The following GSTCD variants were observed in gnomAD, a reference collection of about 807,000 sequenced individuals.
GSTCD encodes the protein glutathione S-transferase C-terminal domain-containing protein.
A neutral mutation model predicts 68.3 loss-of-function variants in GSTCD; 44 were observed. The ratio of observed to expected loss-of-function variants is 0.64; its 90% CI spans 0.51 to 0.83. The LOEUF is 0.83. Ranked by LOEUF, GSTCD falls within the 40% of genes least tolerant of loss-of-function variation. GSTCD has a pLI of 0.00. For synonymous variants in GSTCD, 273 were observed against 255.2 expected, an observed-to-expected ratio of 1.07 and a Z score of -0.67; for missense variants, 739 against 735.9, an observed-to-expected ratio of 1.00 and a Z score of -0.05.
At chr4:105,816,997 CAT>C (rs1723024436) in intron 5 of GSTCD, among the ~76,000 whole-genome samples, 1 of 151,906 alleles carries the variant, frequency 6.6e-6, no homozygotes, top group Non-Finnish European at 1.5e-5. Context: ...TGTAAAGCAT[CAT>C]ATAAGCAGAA....
chr4:105,740,143 G>A, intron 5 of GSTCD, among the ~76,000 whole-genome samples: 1 of 152,024 alleles, frequency 6.6e-6, no homozygotes, highest in East Asian at 1.9e-4. Context: ...GCATTGTGCA[G>A]TAGCCACGTA....
intron 5 of GSTCD, among the ~76,000 whole-genome samples, chr4:105,776,555 G>C (rs978558212): frequency 6.6e-6 from 1 of 152,106 alleles, no homozygotes; most frequent in African/African-American, 2.4e-5. Context: ...CTTTCCTCAC[G>C]GCACAGTTCC....
intron 5 of GSTCD, among the ~76,000 whole-genome samples, chr4:105,770,054 C>T (rs1017626347): frequency 6.6e-6 from 1 of 152,166 alleles, no homozygotes; most frequent in Admixed American, 6.5e-5. Context: ...CCACCACACC[C>T]GGCCCAGATT....
chr4:105,805,926 A>G (rs1307298949), intron 5 of GSTCD, among the ~76,000 whole-genome samples: 1 of 152,076 alleles, frequency 6.6e-6, no homozygotes, highest in Non-Finnish European at 1.5e-5. Flanking sequence ...TAGAATGTCA[A>G]TCAGCATTGA....
chr4:105,818,195 G>C (rs903895124), intron 5 of GSTCD, among the ~76,000 whole-genome samples: 7 of 151,658 alleles, frequency 4.6e-5, no homozygotes, highest in Admixed American at 1.3e-4. Flanking sequence ...CATTTCACTG[G>C]TTAACAATAA....
chr4:105,793,392 G>A (rs372478506), intron 5 of GSTCD, among the ~76,000 whole-genome samples: 11 of 150,090 alleles, frequency 7.3e-5, no homozygotes, highest in African/African-American at 2.7e-4. Context: ...TTTTTGGGGT[G>A]TGATATCATG....
intron 5 of GSTCD, among the ~76,000 whole-genome samples, chr4:105,752,442 G>A (rs544529237): frequency 4.0e-4 from 61 of 152,136 alleles, no homozygotes; most frequent in Non-Finnish European, 6.9e-4. Flanking sequence ...TATCAAGGGT[G>A]TATTATATAC....
intron 3 of GSTCD, among the ~76,000 whole-genome samples, chr4:105,725,202 G>A (rs189968557): frequency 2.5e-3 from 385 of 152,122 alleles, no homozygotes; most frequent in Non-Finnish European, 3.9e-3. Context: ...ATTGATGGTT[G>A]TTTTCCATTG....
At chr4:105,791,082 A>T (rs2544430) in intron 5 of GSTCD, among the ~76,000 whole-genome samples, 139,038 of 151,972 alleles carry the variant, frequency 0.91, 63,656 homozygotes, top group East Asian at 0.96. Context: ...CTGATATAAT[A>T]GAGAAGTCTA....
intron 5 of GSTCD, among the ~76,000 whole-genome samples, chr4:105,805,198 G>T (rs1212718016): frequency 6.6e-6 from 1 of 152,026 alleles, no homozygotes; most frequent in Admixed American, 6.6e-5. Context: ...TTTCTGAAGG[G>T]TTAAGATCAA....
chr4:105,729,054 A>C (rs1002639357), intron 4 of GSTCD, among the ~76,000 whole-genome samples: 2 of 151,908 alleles, frequency 1.3e-5, no homozygotes, highest in African/African-American at 4.8e-5. Context: ...TTTTTTTATT[A>C]TTTCTATGTG....
At chr4:105,780,409 T>C (rs2149249032) in intron 5 of GSTCD, among the ~76,000 whole-genome samples, 1 of 152,352 alleles carries the variant, frequency 6.6e-6, no homozygotes, top group Non-Finnish European at 1.5e-5. Context: ...TATGTGTTAC[T>C]GTATCTGGCT....
chr4:105,818,236 T>G (rs1008439648), intron 5 of GSTCD, among the ~76,000 whole-genome samples: 1 of 151,820 alleles, frequency 6.6e-6, no homozygotes, highest in Admixed American at 6.6e-5. Context: ...ATTTGTTATT[T>G]TGGGTAGTAA....
intron 5 of GSTCD, among the ~76,000 whole-genome samples, chr4:105,785,685 A>G (rs890970337): frequency 1.6e-4 from 24 of 152,096 alleles, no homozygotes; most frequent in African/African-American, 5.6e-4. Context: ...ATCATACTTA[A>G]TTGTAAAGGC....
At chr4:105,820,387 G>C (rs1053580819) in intron 5 of GSTCD, among the ~76,000 whole-genome samples, 2 of 151,670 alleles carry the variant, frequency 1.3e-5, no homozygotes, top group African/African-American at 4.8e-5. Flanking sequence ...TTCTTTTTCC[G>C]TGACACTAGA....
intron 5 of GSTCD, among the ~76,000 whole-genome samples, chr4:105,798,616 T>C (rs1442833138): frequency 1.3e-5 from 2 of 149,944 alleles, no homozygotes; most frequent in East Asian, 4.0e-4. Flanking sequence ...CCATCAGAGC[T>C]CTTGAGTGAC....
intron 1 of GSTCD, among the ~76,000 whole-genome samples, chr4:105,714,857 T>C (rs989088117): frequency 1.3e-5 from 2 of 152,190 alleles, no homozygotes; most frequent in Non-Finnish European, 2.9e-5. Context: ...GAAGAGTTTA[T>C]AGAATATGTC....
Position 105,709,452 on chromosome 4 carries a change from T to G in GSTCD, c.-22+436T>G, listed in dbSNP as rs574779269. ...TTCCTGATTGCAGAAAGCAGTTCTATGTGAATACTACTTAACATTTACTCC... is the reference window on the plus strand; with the variant it reads ...TTCCTGATTGCAGAAAGCAGTTCTAGGTGAATACTACTTAACATTTACTCC... On this transcript the variant is annotated intron_variant, in intron 1 of 11. Coordinates refer to ENST00000515279, the MANE Select transcript of GSTCD (RefSeq NM_001370181.1). Among the ~76,000 whole-genome samples, 3 of 152,348 alleles carry G rather than the reference T, an allele frequency of 2.0e-5. No individual in the cohort carries two copies. The East Asian group carries it at 5.8e-4, about 29-fold the overall frequency.
chr4:105,813,413 C>T (rs959125697), intron 5 of GSTCD, among the ~76,000 whole-genome samples: 5 of 152,134 alleles, frequency 3.3e-5, no homozygotes, highest in Non-Finnish European at 5.9e-5. Flanking sequence ...TTATTACAAA[C>T]TTTGTTTTGA....
Sources: allele counts gnomAD v4.1 joint callset (sites outside exome capture counted in the v4.1 genomes callset), GRCh38; gene constraint gnomAD v4.1.1; transcripts MANE v1.5; gene names NCBI Gene and HGNC (gene_info 2026-07-23, HGNC 2026-07-21).